KIF21B: variants seen among roughly 807,000 people sequenced by gnomAD.
KIF21B encodes kinesin-like protein KIF21B.
KIF21B carries 85 observed loss-of-function variants against 192.9 expected under a neutral mutation model. The observed-to-expected ratio is 0.44, with a 90% CI of 0.37 to 0.53. The LOEUF is 0.53. Among genes scored for constraint, KIF21B ranks in the 20% least tolerant of loss-of-function variants. The pLI is 0.00. For synonymous variants in KIF21B, 832 were observed against 884.6 expected, an observed-to-expected ratio of 0.94 and a Z score of 1.05; for missense variants, 1,716 against 2,194.8, an observed-to-expected ratio of 0.78 and a Z score of 4.36.
intron 3 of KIF21B, among the ~76,000 whole-genome samples, chr1:201,007,739 CACAT>C (rs1273078559): frequency 4.0e-5 from 6 of 151,742 alleles, no homozygotes; most frequent in African/African-American, 1.2e-4. Context: ...TACACACACA[CACAT>C]ACACAGATGC....
At chr1:201,020,537 T>G (rs575391669) in intron 1 of KIF21B, among the ~76,000 whole-genome samples, 1 of 152,256 alleles carries the variant, frequency 6.6e-6, no homozygotes, top group South Asian at 2.1e-4. Flanking sequence ...CCGACTAGCC[T>G]GGGTTCAGGG....
At chr1:201,014,339 C>T (rs1237232405) in intron 1 of KIF21B, among the ~76,000 whole-genome samples, 1 of 152,200 alleles carries the variant, frequency 6.6e-6, no homozygotes, top group Non-Finnish European at 1.5e-5. Flanking sequence ...GGGACAAAGG[C>T]TGCGAGCCTG....
At position 201,023,471 on chromosome 1, in the gene KIF21B, G is replaced by A. The variant is rs1218168752; in HGVS notation, c.-88C>T. 4 of 1,020,262 alleles carry A rather than the reference G, an allele frequency of 3.9e-6. No homozygotes were observed. The East Asian group carries it at 1.0e-4, about 26-fold the overall frequency. 63.2% of individuals were successfully genotyped at this position (1,020,262 alleles called of 1,614,324 possible). On this transcript the variant is annotated 5_prime_UTR_variant, in exon 1 of 35. Coordinates refer to ENST00000461742, the MANE Select transcript of KIF21B (RefSeq NM_001252102.2). This position sits in a 1 kb window ranked among gnomAD's most constrained non-coding sequence, Gnocchi z 5.9. ...GGCAGCGGCTGCGGCTGCGGGAGGC[G>A]GGGGCGCGGGCGCGGCTGGCGGAGG... is the stretch of plus-strand genomic sequence containing the variant.
At chr1:201,019,558 G>A (rs1443575990) in intron 1 of KIF21B, among the ~76,000 whole-genome samples, 3 of 152,220 alleles carry the variant, frequency 2.0e-5, no homozygotes, top group Admixed American at 6.5e-5. Flanking sequence ...CCTGGGCCCC[G>A]CCTCACCTCC....
chr1:201,015,121 C>G (rs1658432613), intron 1 of KIF21B, among the ~76,000 whole-genome samples: 1 of 152,150 alleles, frequency 6.6e-6, no homozygotes, highest in Admixed American at 6.5e-5. Flanking sequence ...AATGAGAGCT[C>G]AGAGAGAAAC....
At chr1:200,976,135 G>A (rs573786464) in intron 32 of KIF21B, among the ~76,000 whole-genome samples, 1 of 152,304 alleles carries the variant, frequency 6.6e-6, no homozygotes, top group East Asian at 1.9e-4. Flanking sequence ...CTGTTGCCCA[G>A]GCTGGAGTGC....
At chr1:200,978,455 A>G (rs1655709993) in intron 30 of KIF21B, among the ~76,000 whole-genome samples, 1 of 151,172 alleles carries the variant, frequency 6.6e-6, no homozygotes, top group Non-Finnish European at 1.5e-5. Context: ...CCCTGCTCCC[A>G]CACAGGCACA....
chr1:200,975,605 T>C lies in KIF21B; in HGVS notation c.4508A>G (p.His1503Arg), dbSNP rs1655495206. Residue 1503 changes from histidine to arginine, a missense_variant, in exon 33 of 35, where the codon CAC (histidine) becomes CGC (arginine). Transcript: ENST00000461742. The surrounding 1 kb of genome is among the most constrained non-coding windows in gnomAD (Gnocchi z 4.3). ...IGPTHNFEPP[H>R]YDGIECLAIQ... The stretch of plus-strand genomic sequence containing the variant: ...GGCGAGACACTCGATGCCATCGTAG[T>C]GCGGGGGCTCGAAGTTGTGAGTGGG... 6.2e-7 allele frequency: 1 copy of C among 1,614,050 alleles called. No homozygotes were observed. The highest frequency in any genetic ancestry group is 8.5e-7 in the Non-Finnish European group (1 of 1,179,918).
intron 9 of KIF21B, among the ~76,000 whole-genome samples, chr1:201,001,043 G>A (rs1405057809): frequency 6.6e-6 from 1 of 151,540 alleles, no homozygotes; most frequent in Non-Finnish European, 1.5e-5. Context: ...GGAGGTGGAG[G>A]TTGCGGTGAG....
intron 24 of KIF21B, 86 bp from the exon 25 acceptor site, chr1:200,987,287 T>C: frequency 2.3e-6 from 3 of 1,288,494 alleles, no homozygotes; most frequent in Non-Finnish European, 3.2e-6. Context: ...TTTTTTTTTT[T>C]TTGAGACAGT....
chr1:200,983,027 A>G (rs1656046164), intron 28 of KIF21B, 29 bp downstream of exon 28: 1 of 1,533,650 alleles, frequency 6.5e-7, no homozygotes, highest in Non-Finnish European at 8.7e-7. Context: ...AGAGTGGGGA[A>G]CCAAACACGA....
At chr1:201,008,531 G>T (rs929388453) in intron 3 of KIF21B, among the ~76,000 whole-genome samples, 23 of 152,328 alleles carry the variant, frequency 1.5e-4, no homozygotes, top group Middle Eastern at 3.4e-3. Flanking sequence ...ACGTCAGGGT[G>T]TGAAGGGATC....
chr1:200,973,367 G>A lies in KIF21B; in HGVS notation c.*154C>T. The A allele has an allele frequency of 1.1e-6, 1 of 917,148 alleles. No homozygotes were observed. Among genetic ancestry groups the A allele is most frequent in the Non-Finnish European group, 1.5e-6 (1 of 667,178 alleles). The allele number at this position is 917,148 out of a possible 1,614,324, so 56.8% of individuals were successfully genotyped here. ...GGGAGGGATGAGGGAACAGTGTCCTGTGGGAAGGCCAAGGGAGAGGGAGGA... is the reference window on the plus strand; with the variant it reads ...GGGAGGGATGAGGGAACAGTGTCCTATGGGAAGGCCAAGGGAGAGGGAGGA... On this transcript the variant is annotated 3_prime_UTR_variant, in exon 35 of 35. Transcript: ENST00000461742.
At chr1:201,022,746 C>T (rs1358119142) in intron 1 of KIF21B, among the ~76,000 whole-genome samples, 1 of 152,238 alleles carries the variant, frequency 6.6e-6, no homozygotes, top group African/African-American at 2.4e-5. Context: ...TACACCTCTT[C>T]CTCCCTTCCT....
chr1:201,000,034 G>T lies in KIF21B; in HGVS notation c.1686-70C>A. On this transcript the variant is annotated intron_variant, in intron 11 of 34. Coordinates refer to ENST00000461742, the MANE Select transcript of KIF21B (RefSeq NM_001252102.2). The surrounding 1 kb of genome is among the most constrained non-coding windows in gnomAD (Gnocchi z 6.0). The stretch of plus-strand genomic sequence containing the variant: ...GCCCTGAGCACATGGGCAGGACGGC[G>T]GCAGCGGCAGAAAAGGAAGGCTCTC... 7.2e-7 allele frequency: 1 copy of T among 1,385,070 alleles called. No homozygotes were observed. Among genetic ancestry groups the T allele is most frequent in the Non-Finnish European group, 1.0e-6 (1 of 978,180 alleles). 85.8% of individuals were successfully genotyped at this position (1,385,070 alleles called of 1,614,324 possible).
rs1248512655 is a variant in KIF21B at position 200,990,558 on chromosome 1, G to A, written c.2835+18C>T. 10 of 1,611,442 alleles carry A rather than the reference G, an allele frequency of 6.2e-6. No homozygotes were observed. The highest frequency in any genetic ancestry group is 8.5e-6 in the Non-Finnish European group (10 of 1,178,404). ...GGCAGAGGGGTGGAATGGAAGAGAA[G>A]GGGGAGGCAGGGCTCACCTTGATGA... On this transcript the variant is annotated intron_variant, in intron 19 of 34. Transcript: ENST00000461742. The surrounding 1 kb of genome is among the most constrained non-coding windows in gnomAD (Gnocchi z 5.4).
At chr1:200,981,564 T>A (rs529307946) in intron 28 of KIF21B, among the ~76,000 whole-genome samples, 3 of 151,546 alleles carry the variant, frequency 2.0e-5, no homozygotes, top group Non-Finnish European at 4.4e-5. Flanking sequence ...AGAGGGAGGG[T>A]TGCTCAGGCC....
rs1658578036 is a variant in KIF21B at position 201,017,544 on chromosome 1, C to A, written c.41+5799G>T. 6.6e-6 allele frequency among the ~76,000 whole-genome samples: 1 copy of A among 152,252 alleles called. No individual in the cohort carries two copies. The highest frequency in any genetic ancestry group is 1.5e-5 in the Non-Finnish European group (1 of 68,044). The stretch of plus-strand genomic sequence containing the variant: ...CTGCAGAGTCAGGCTTCGCCCAGAG[C>A]CCAGAGCTGTGACGGTATTGGCATC... On this transcript the variant is annotated intron_variant, in intron 1 of 34. Coordinates refer to ENST00000461742, the MANE Select transcript of KIF21B (RefSeq NM_001252102.2). This position sits in a 1 kb window ranked among gnomAD's most constrained non-coding sequence, Gnocchi z 4.1.
At position 200,998,532 on chromosome 1, in the gene KIF21B, G is replaced by T. The variant is rs990303328; in HGVS notation, c.1929C>A (p.Ile643=). 1.2e-6 allele frequency: 2 copies of T among 1,613,810 alleles called. No homozygotes were observed. Among genetic ancestry groups the T allele is most frequent in the South Asian group, 2.2e-5 (2 of 91,068 alleles). The change falls in exon 14 of 35, where the codon ATC becomes ATA. Residue 643 remains isoleucine (I), a synonymous_variant. Transcript: ENST00000461742. This position sits in a 1 kb window ranked among gnomAD's most constrained non-coding sequence, Gnocchi z 4.3. ...CGTCGATCAGCTTCTGCTTGATTTC[G>T]ATCTCACAAGTCAGGTCGGCCAGGT... ...QADLADLTCE[I]EIKQKLIDEL...
Sources: gnomAD v4.1 joint callset for allele counts (sites outside exome capture counted in the v4.1 genomes callset) on GRCh38, gnomAD v4.1.1 for gene constraint, Gnocchi (gnomAD v3.1) non-coding constraint, MANE v1.5 for transcripts, NCBI Gene and HGNC (gene_info 2026-07-23, HGNC 2026-07-21) for gene names.